KCNQ2: variants seen among roughly 807,000 people sequenced by gnomAD.
KCNQ2 encodes the protein potassium voltage-gated channel subfamily KQT member 2.
A neutral mutation model predicts 84.8 loss-of-function variants in KCNQ2; 14 were observed. The ratio of observed to expected loss-of-function variants is 0.17; its 90% CI spans 0.11 to 0.26. The LOEUF is 0.26. KCNQ2 is among the 10% of genes least tolerant of loss of function. The pLI is 1.00. For synonymous variants in KCNQ2, 599 were observed against 554.1 expected, an observed-to-expected ratio of 1.08 and a Z score of -1.14; for missense variants, 788 against 1,254.0, an observed-to-expected ratio of 0.63 and a Z score of 5.61.
intron 8 of KCNQ2, 135 bp from the exon 9 acceptor site, chr20:63,431,504 C>G (rs1470853817): frequency 1.0e-6 from 1 of 980,116 alleles, no homozygotes; most frequent in African/African-American, 1.6e-5. Context: ...AGCACAAGGG[C>G]TGGTTCTGTC....
chr20:63,420,098 G>A (rs2080420856), intron 11 of KCNQ2, among the ~76,000 whole-genome samples: 1 of 152,244 alleles, frequency 6.6e-6, no homozygotes, highest in Admixed American at 6.5e-5. Flanking sequence ...ACGTGCAGTT[G>A]TCCCGCTTTG....
rs2079859357 is a variant in KCNQ2 at position 63,403,819 on chromosome 20, C to T, written c.*2825G>A. 6.6e-6 allele frequency: 1 copy of T among 152,286 alleles called. No homozygotes were observed. The highest frequency in any genetic ancestry group is 2.4e-5 in the African/African-American group (1 of 41,454). The allele number at this position is 152,286 out of a possible 1,614,324, so 9.4% of individuals were successfully genotyped here. A position where few individuals can be genotyped will look rare whatever the true frequency, so the allele number is the denominator to read the frequency against. ...TGCACTCTAACAAACACTGCGGGAG[C>T]TCTTTGCCATGAGGTGGCACTGGTC... On this transcript the variant is annotated 3_prime_UTR_variant, in exon 17 of 17. Transcript: ENST00000359125.
At chr20:63,412,105 G>A (rs965163191) in intron 15 of KCNQ2, 6 of 523,688 alleles carry the variant, frequency 1.1e-5, no homozygotes, top group Admixed American at 3.5e-5. Context: ...GGTGGCGGGC[G>A]GCCCCACTGC....
rs867696324 is a variant in KCNQ2, at chr20:63,472,430, G to A, written c.34C>T (p.Pro12Ser). 1.3e-6 allele frequency: 2 copies of A among 1,535,544 alleles called. No individual in the cohort carries two copies. Among genetic ancestry groups the A allele is most frequent in the Non-Finnish European group, 1.7e-6 (2 of 1,147,060 alleles). Residue 12 changes from proline to serine, a missense_variant, in exon 1 of 17, where the codon CCC becomes TCC. Pro to Ser is a moderately conservative substitution (Grantham distance 74). Around this residue, in one of 8 missense-constraint regions of KCNQ2, gnomAD observed 41 missense variants for 41.2 expected, o/e 0.99. Transcript: ENST00000359125. ...VQKSRNGGVYPGPSGEKKLKV... is the reference protein window; with the variant it reads ...VQKSRNGGVYSGPSGEKKLKV... The stretch of plus-strand genomic sequence containing the variant: ...AGCTTCTTCTCCCCGCTCGGGCCGG[G>A]GTATACGCCGCCGTTGCGCGACTTC...
At chr20:63,429,029 C>G (rs1358141339) in intron 9 of KCNQ2, among the ~76,000 whole-genome samples, 2 of 152,016 alleles carry the variant, frequency 1.3e-5, no homozygotes, top group Non-Finnish European at 2.9e-5. Flanking sequence ...CTTCCCAGTC[C>G]TGGTCATACC....
In KCNQ2 at chr20:63,416,787, C is replaced by T. The variant is rs1946723439; in HGVS notation, c.1302-1661G>A. Among the ~76,000 whole-genome samples the T allele has an allele frequency of 1.3e-5, 2 of 152,258 alleles. 1 individual carries two copies. The highest frequency in any genetic ancestry group is 6.8e-3 in the Middle Eastern group (2 of 294). On this transcript the variant is annotated intron_variant, in intron 12 of 16. Transcript: ENST00000359125. The stretch of plus-strand genomic sequence containing the variant: ...GCCCACCAGACGGCACAGAGATAAC[C>T]AGCCACAGACATGAGAGCCCACCGC...
chr20:63,416,334 A>C (rs977849275), intron 12 of KCNQ2, among the ~76,000 whole-genome samples: 1 of 151,972 alleles, frequency 6.6e-6, no homozygotes, highest in Non-Finnish European at 1.5e-5. Flanking sequence ...ATGGGTTTGC[A>C]CCCGAGTTCT....
intron 1 of KCNQ2, among the ~76,000 whole-genome samples, chr20:63,454,122 G>A (rs945414368): frequency 1.3e-5 from 2 of 152,178 alleles, no homozygotes; most frequent in African/African-American, 2.4e-5. Flanking sequence ...CCCAGCAGGC[G>A]TGGACCAGGA....
rs2079937392 is a variant in KCNQ2 at position 63,406,510 on chromosome 20, G to C, written c.*134C>G. 3 of 1,093,632 alleles carry C rather than the reference G, an allele frequency of 2.7e-6. No individual in the cohort carries two copies. The highest frequency in any genetic ancestry group is 1.6e-5 in the African/African-American group (1 of 63,062). The allele number at this position is 1,093,632 out of a possible 1,614,324, so 67.7% of individuals were successfully genotyped here. On this transcript the variant is annotated 3_prime_UTR_variant, in exon 17 of 17. Transcript: ENST00000359125. ...GAGCCCCCATCCTTCAGCCCACATG[G>C]GCCCCTCCAGGGCCCACCCTTCCCG...
Position 63,408,193 on chromosome 20 carries a change from G to A in KCNQ2, c.1887+220C>T, listed in dbSNP as rs1197690662. Reference sequence around the variant, plus strand: ...GGACTCCTGGGGACTTTGGCCCTTGGGTACTGTCAGGAGGGAAGGCACCCA... The same window carrying A: ...GGACTCCTGGGGACTTTGGCCCTTGAGTACTGTCAGGAGGGAAGGCACCCA... On this transcript the variant is annotated intron_variant, in intron 16 of 16. Coordinates refer to ENST00000359125, the MANE Select transcript of KCNQ2 (RefSeq NM_172107.4). The surrounding 1 kb of genome is among the most constrained non-coding windows in gnomAD (Gnocchi z 5.0). 1.0e-5 allele frequency: 6 copies of A among 582,688 alleles called. No homozygotes were observed. Among genetic ancestry groups the A allele is most frequent in the Non-Finnish European group, 1.8e-5 (6 of 329,474 alleles). The allele number at this position is 582,688 out of a possible 1,614,324, so 36.1% of individuals were successfully genotyped here. A position where few individuals can be genotyped will look rare whatever the true frequency, so the allele number is the denominator to read the frequency against.
At position 63,401,466 on chromosome 20, in the gene KCNQ2, A is replaced by T. The variant is rs902974561; in HGVS notation, c.*5178T>A. On this transcript the variant is annotated 3_prime_UTR_variant, in exon 17 of 17. Transcript: ENST00000359125. ...AGTCCACCATCCCACATCCTTCAGG[A>T]AGCCGCCCTGGCTGTCTCTCCGGCT... 1 of 152,374 alleles carries T rather than the reference A, an allele frequency of 6.6e-6. No individual in the cohort carries two copies. Among genetic ancestry groups the T allele is most frequent in the African/African-American group, 2.4e-5 (1 of 41,464 alleles). The allele number at this position is 152,374 out of a possible 1,614,324, so 9.4% of individuals were successfully genotyped here. A position where few individuals can be genotyped will look rare whatever the true frequency, so the allele number is the denominator to read the frequency against.
rs766900117 is a variant in KCNQ2 at position 63,400,254 on chromosome 20, C to T, written c.*6390G>A. ...TTACTGAGTGCACAGGTCCACCTGG[C>T]GTCCGAACTCGTCCCCGTGGCAGCA... On this transcript the variant is annotated 3_prime_UTR_variant, in exon 17 of 17. Transcript: ENST00000359125. This position sits in a 1 kb window ranked among gnomAD's most constrained non-coding sequence, Gnocchi z 8.7. 4 of 192,122 alleles carry T rather than the reference C, an allele frequency of 2.1e-5. No homozygotes were observed. The highest frequency in any genetic ancestry group is 1.3e-4 in the East Asian group (1 of 7,864). The allele number at this position is 192,122 out of a possible 1,614,324, so 11.9% of individuals were successfully genotyped here. A position where few individuals can be genotyped will look rare whatever the true frequency, so the allele number is the denominator to read the frequency against.
intron 7 of KCNQ2, among the ~76,000 whole-genome samples, chr20:63,436,119 G>A (rs538409523): frequency 2.0e-5 from 3 of 152,238 alleles, no homozygotes; most frequent in South Asian, 2.1e-4. Context: ...GACTGACTGC[G>A]ATGCTGAAAG....
chr20:63,454,211 C>G (rs556444957), intron 1 of KCNQ2, among the ~76,000 whole-genome samples: 3 of 152,334 alleles, frequency 2.0e-5, no homozygotes, highest in South Asian at 2.1e-4. Flanking sequence ...GCTCAGCTTC[C>G]GCCCATCTGC....
rs143112890 is a variant in KCNQ2 at position 63,445,219 on chromosome 20, C to T, written c.514+19G>A. The T allele has an allele frequency of 1.6e-5, 26 of 1,613,852 alleles. No homozygotes were observed. Among genetic ancestry groups the T allele is most frequent in the Non-Finnish European group, 2.0e-5 (24 of 1,179,996 alleles). ...TGCCTGGCCCTGATTCTAGCAATACCACCCCCACCAGGCCTCACCAATCAC... is the reference window on the plus strand; with the variant it reads ...TGCCTGGCCCTGATTCTAGCAATACTACCCCCACCAGGCCTCACCAATCAC... On this transcript the variant is annotated intron_variant, in intron 3 of 16. Transcript: ENST00000359125.
In KCNQ2 at chr20:63,413,587, G is replaced by A. The variant is rs570940951; in HGVS notation, c.1632-6C>T. The A allele has an allele frequency of 5.6e-6, 9 of 1,608,698 alleles. No individual in the cohort carries two copies. In the East Asian group the frequency reaches 6.7e-5, roughly 12 times the overall value. On this transcript the variant is annotated splice_region_variant and splice_polypyrimidine_tract_variant and intron_variant, in intron 14 of 16. Coordinates refer to ENST00000359125, the MANE Select transcript of KCNQ2 (RefSeq NM_172107.4). ...ACACCAGGAACCGCATGACACTGCA[G>A]GGGGGTGGGTGGGGCTGTGAGCCCT...
chr20:63,424,335 G>A (rs1197381133), intron 10 of KCNQ2, 129 bp from the exon 11 acceptor site: 7 of 1,127,652 alleles, frequency 6.2e-6, no homozygotes, highest in Non-Finnish European at 9.1e-6. Flanking sequence ...GAAAAGGCTG[G>A]GCAGGGGTGG....
chr20:63,406,351 G>A lies in KCNQ2; in HGVS notation c.*293C>T. On this transcript the variant is annotated 3_prime_UTR_variant, in exon 17 of 17. Coordinates refer to ENST00000359125, the MANE Select transcript of KCNQ2 (RefSeq NM_172107.4). ...TCACTCCCGCCCCTCCTCACACCGG[G>A]CTGATGTCGGCCGCGGCCCTGAGCA... 4.8e-6 allele frequency: 2 copies of A among 417,360 alleles called. No homozygotes were observed. Among genetic ancestry groups the A allele is most frequent in the Non-Finnish European group, 8.7e-6 (2 of 229,364 alleles). 25.9% of individuals were successfully genotyped at this position (417,360 alleles called of 1,614,324 possible). A position where few individuals can be genotyped will look rare whatever the true frequency, so the allele number is the denominator to read the frequency against.
intron 1 of KCNQ2, among the ~76,000 whole-genome samples, chr20:63,468,345 C>T (rs1273086897): frequency 1.3e-5 from 2 of 152,192 alleles, no homozygotes; most frequent in Non-Finnish European, 2.9e-5. Context: ...GCCAGGGCCC[C>T]GCTCTGTGCT....
Sources: gnomAD v4.1 joint callset for allele counts (sites outside exome capture counted in the v4.1 genomes callset) on GRCh38, gnomAD v4.1.1 for gene constraint, gnomAD v4.1.1 regional missense constraint, Gnocchi (gnomAD v3.1) non-coding constraint, MANE v1.5 for transcripts, NCBI Gene and HGNC (gene_info 2026-07-23, HGNC 2026-07-21) for gene names.